The following CACNA2D4 variants were observed in gnomAD, a reference collection of about 807,000 sequenced individuals.
CACNA2D4 encodes calcium voltage-gated channel auxiliary subunit alpha2delta 4.
CACNA2D4 carries 157 observed loss-of-function variants against 163.8 expected under a neutral mutation model. The ratio of observed to expected loss-of-function variants is 0.96; its 90% confidence interval spans 0.84 to 1.09. CACNA2D4 has a LOEUF of 1.09. Ranked by LOEUF, CACNA2D4 falls within the 50% of genes least tolerant of loss-of-function variation. CACNA2D4 has a pLI of 0.00. For synonymous variants in CACNA2D4, 598 were observed against 586.9 expected (o/e 1.02, Z -0.27); for missense variants, 1,410 against 1,479.9 (o/e 0.95, Z 0.78).
Position 1,829,557 on chromosome 12 carries a change from G to A in CACNA2D4, c.2551+11182C>T, listed in dbSNP as rs1864523644. 2.0e-5 allele frequency among the ~76,000 whole-genome samples: 3 copies of A among 152,226 alleles called. No homozygotes were observed. Among genetic ancestry groups the A allele is most frequent in the Admixed American group, 2.0e-4 (3 of 15,294 alleles). On this transcript the variant is annotated intron_variant, in intron 26 of 37. Coordinates refer to ENST00000382722, the MANE Select transcript of CACNA2D4 (RefSeq NM_172364.5). The surrounding 1 kb of genome is among the most constrained non-coding windows in gnomAD (Gnocchi z 4.2). ...AGATCTAGCCACGTGTCAGCTCTCA[G>A]CTGTCATCGATCCTCCAGGCAGGGA...
chr12:1,871,651 T>C (rs1865788751), intron 18 of CACNA2D4, among the ~76,000 whole-genome samples: 1 of 152,046 alleles, frequency 6.6e-6, no homozygotes, highest in Non-Finnish European at 1.5e-5. Flanking sequence ...CTGGTGTGTG[T>C]ACACGTGTGT....
chr12:1,827,753 T>C, intron 26 of CACNA2D4: 1 of 190,330 alleles, frequency 5.3e-6, no homozygotes. Flanking sequence ...GAGACCAGGT[T>C]GCCATGAAAA....
At position 1,820,246 on chromosome 12, in the gene CACNA2D4, C is replaced by CGGCGGGGCGG. The variant is rs1555176997; in HGVS notation, c.2552-8524_2552-8523insCCGCCCCGCC. On this transcript the variant is annotated intron_variant, in intron 26 of 37. Coordinates refer to ENST00000382722, the MANE Select transcript of CACNA2D4 (RefSeq NM_172364.5). This position sits in a 1 kb window ranked among gnomAD's most constrained non-coding sequence, Gnocchi z 6.0. The stretch of plus-strand genomic sequence containing the variant: ...GAGAGGCACAGAAGACAGGTGCAGC[C>CGGCGGGGCGG]GGGGGGGTGAGGGAGAGCCTGGAGG... 1.4e-4 allele frequency: 21 copies of CGGCGGGGCGG among 150,928 alleles called. No individual in the cohort carries two copies. The highest frequency in any genetic ancestry group is 5.2e-4 in the African/African-American group (21 of 40,294). 9.3% of individuals were successfully genotyped at this position (150,928 alleles called of 1,614,324 possible).
chr12:1,799,030 G>A lies in CACNA2D4; in HGVS notation c.2995+645C>T, dbSNP rs532042351. On this transcript the variant is annotated intron_variant, in intron 34 of 37. Coordinates refer to ENST00000382722, the MANE Select transcript of CACNA2D4 (RefSeq NM_172364.5). The surrounding 1 kb of genome is among the most constrained non-coding windows in gnomAD (Gnocchi z 4.7). ...GGATAAGCTGGGGACAGCCCAGGTG[G>A]TGGGAAGTTCTGGAACCCCATGGCA... 4.3e-3 allele frequency among the ~76,000 whole-genome samples: 648 copies of A among 152,334 alleles called. 4 individuals carry two copies. Among genetic ancestry groups the A allele is most frequent in the African/African-American group, 0.015 (622 of 41,582 alleles).
intron 11 of CACNA2D4, 24 bp downstream of exon 11, chr12:1,884,744 C>G: frequency 6.5e-7 from 1 of 1,533,648 alleles, no homozygotes; most frequent in Non-Finnish European, 9.0e-7. Flanking sequence ...CTTTTTTCTC[C>G]CTGGACACCC....
In CACNA2D4 at chr12:1,811,723, G is replaced by A; in HGVS notation, c.2552C>T (p.Ala851Val). The change falls in exon 27 of 38, where the codon GCC becomes GTC. Residue 851 changes from alanine (A) to valine (V), a missense_variant and splice_region_variant. Physicochemically the swap from Ala to Val is moderately conservative, Grantham distance 64 (BLOSUM62 0). Coordinates refer to ENST00000382722, the MANE Select transcript of CACNA2D4 (RefSeq NM_172364.5). ...TTCCAGCTTCATTTGGACGCCCGCG[G>A]CTACAGGGCAGAAAGAGAGAGGGCA... ...TVDKRTAIAAAAGVQMKLEFL... is the reference protein window; with the variant it reads ...TVDKRTAIAAVAGVQMKLEFL... 1 of 1,558,726 alleles carries A rather than the reference G, an allele frequency of 6.4e-7. No individual in the cohort carries two copies. Among genetic ancestry groups the A allele is most frequent in the Non-Finnish European group, 8.7e-7 (1 of 1,150,774 alleles).
intron 18 of CACNA2D4, among the ~76,000 whole-genome samples, chr12:1,861,746 CT>C (rs1030310175): frequency 2.5e-4 from 38 of 151,422 alleles, no homozygotes; most frequent in African/African-American, 8.7e-4. Context: ...CTCGGCCTAT[CT>C]TTTTTTTTAA....
intron 6 of CACNA2D4, among the ~76,000 whole-genome samples, chr12:1,894,539 C>T (rs957745163): frequency 6.6e-6 from 1 of 152,068 alleles, no homozygotes; most frequent in African/African-American, 2.4e-5. Flanking sequence ...ATATAATATG[C>T]CATGATCAAG....
Position 1,885,639 on chromosome 12 carries a change from A to G in CACNA2D4, c.1068+326T>C, listed in dbSNP as rs1186776813. 3.3e-5 allele frequency among the ~76,000 whole-genome samples: 5 copies of G among 152,332 alleles called. No individual in the cohort carries two copies. In the South Asian group the frequency reaches 8.3e-4, roughly 25 times the overall value. On this transcript the variant is annotated intron_variant, in intron 9 of 37. Coordinates refer to ENST00000382722, the MANE Select transcript of CACNA2D4 (RefSeq NM_172364.5). The stretch of plus-strand genomic sequence containing the variant: ...TGTCCTCCTTTCGGGGAAGCTTCTC[A>G]TGAAAACTGACATAATGGAAAGGTC...
At chr12:1,910,425 A>G (rs369660365) in intron 3 of CACNA2D4, among the ~76,000 whole-genome samples, 17 of 151,208 alleles carry the variant, frequency 1.1e-4, no homozygotes, top group Admixed American at 4.0e-4. Flanking sequence ...AGATTCATTG[A>G]TTATACCCAA....
intron 6 of CACNA2D4, among the ~76,000 whole-genome samples, chr12:1,891,357 C>T (rs151328085): frequency 2.4e-3 from 363 of 152,350 alleles, no homozygotes; most frequent in South Asian, 8.5e-3. Flanking sequence ...ATTGAGACTA[C>T]ACTACTGCAT....
In CACNA2D4 at chr12:1,799,995, C is replaced by G. The variant is rs1347641207; in HGVS notation, c.2974+5G>C. ...GCACATGGCCCTGCAGCTCCGTGCA[C>G]TCACCCTCGGCCCCTCTGTCGTACC... On this transcript the variant is annotated splice_donor_5th_base_variant and intron_variant, in intron 33 of 37. Transcript: ENST00000382722. This position sits in a 1 kb window ranked among gnomAD's most constrained non-coding sequence, Gnocchi z 4.7. 1 of 1,602,252 alleles carries G rather than the reference C, an allele frequency of 6.2e-7. No individual in the cohort carries two copies. The highest frequency in any genetic ancestry group is 1.3e-5 in the African/African-American group (1 of 74,690).
chr12:1,860,272 C>A (rs893627185), intron 18 of CACNA2D4, 66 bp from the exon 19 acceptor site: 7 of 1,252,132 alleles, frequency 5.6e-6, no homozygotes, highest in Non-Finnish European at 8.1e-6. Context: ...CCACCTCGCC[C>A]CCAGGGCTCT....
chr12:1,806,392 C>T lies in CACNA2D4; in HGVS notation c.2721+3886G>A, dbSNP rs1385656204. On this transcript the variant is annotated intron_variant, in intron 29 of 37. Coordinates refer to ENST00000382722, the MANE Select transcript of CACNA2D4 (RefSeq NM_172364.5). This position sits in a 1 kb window ranked among gnomAD's most constrained non-coding sequence, Gnocchi z 4.1. ...TGTCTAATCAGCAGGCCTGGAACAC[C>T]GCCGGTGCCAAGAAAGAGCCAAGCA... Among the ~76,000 whole-genome samples, 2 of 152,154 alleles carry T rather than the reference C, an allele frequency of 1.3e-5. No individual in the cohort carries two copies. Among genetic ancestry groups the T allele is most frequent in the Non-Finnish European group, 2.9e-5 (2 of 68,020 alleles).
At position 1,823,169 on chromosome 12, in the gene CACNA2D4, G is replaced by A. The variant is rs1394894223; in HGVS notation, c.2552-11446C>T. On this transcript the variant is annotated intron_variant, in intron 26 of 37. Transcript: ENST00000382722. ...TGATGGCCCAGGAGTCAGGAATTCAGAGGTGGAGGCCCGATGGGCATTATC... is the reference window on the plus strand; with the variant it reads ...TGATGGCCCAGGAGTCAGGAATTCAAAGGTGGAGGCCCGATGGGCATTATC... 2.0e-5 allele frequency: 3 copies of A among 152,562 alleles called. No homozygotes were observed. In the South Asian group the frequency reaches 6.2e-4, roughly 32 times the overall value. The allele number at this position is 152,562 out of a possible 1,614,324, so 9.5% of individuals were successfully genotyped here.
chr12:1,862,338 C>T (rs1865542711), intron 18 of CACNA2D4, among the ~76,000 whole-genome samples: 1 of 152,196 alleles, frequency 6.6e-6, no homozygotes, highest in Non-Finnish European at 1.5e-5. Context: ...TTAGCAATGT[C>T]TGAGAGTTCC....
intron 26 of CACNA2D4, among the ~76,000 whole-genome samples, chr12:1,825,600 G>T (rs1864280646): frequency 6.6e-6 from 1 of 152,208 alleles, no homozygotes; most frequent in Non-Finnish European, 1.5e-5. Context: ...AGGTGCGTGT[G>T]TGCATGTGTG....
rs540660393 is a variant in CACNA2D4 at position 1,797,162 on chromosome 12, C to T, written c.3113+256G>A. On this transcript the variant is annotated intron_variant, in intron 35 of 37. Transcript: ENST00000382722. ...GGGCTCGACACACAGGGTCAGGCCT[C>T]GGGACCACCTCTCCCCATCCCGGCT... Among the ~76,000 whole-genome samples the T allele has an allele frequency of 6.6e-5, 10 of 152,320 alleles. No individual in the cohort carries two copies. In the South Asian group the frequency reaches 1.7e-3, roughly 25 times the overall value.
rs192631688 is a variant in CACNA2D4 at position 1,822,924 on chromosome 12, C to G, written c.2552-11201G>C. 7.0e-4 allele frequency among the ~76,000 whole-genome samples: 106 copies of G among 152,312 alleles called. 2 individuals carry two copies. The highest frequency in any genetic ancestry group is 5.9e-5 in the Non-Finnish European group (4 of 68,014). On this transcript the variant is annotated intron_variant, in intron 26 of 37. Transcript: ENST00000382722. ...GGCCACTCTCCGGGCTCCCTCTCAG[C>G]CTTCCTGGGGTTGGTGGAAGGGCAC...
Sources: allele counts gnomAD v4.1 joint callset (sites outside exome capture counted in the v4.1 genomes callset), GRCh38; gene constraint gnomAD v4.1.1; non-coding constraint Gnocchi (gnomAD v3.1); transcripts MANE v1.5; gene names NCBI Gene and HGNC (gene_info 2026-07-23, HGNC 2026-07-21).